NXPH1: variants seen among roughly 807,000 people sequenced by gnomAD.
NXPH1 encodes the protein neurexophilin-1.
Under a neutral mutation model 23.7 loss-of-function variants are expected in NXPH1, and 5 were observed. The observed-to-expected ratio is 0.21, with a 90% CI of 0.11 to 0.44. The LOEUF is 0.44. NXPH1 is among the 20% of genes least tolerant of loss of function. NXPH1 has a pLI of 0.99. For missense variants in NXPH1, 324 were observed against 321.6 expected, an observed-to-expected ratio of 1.01 and a Z score of -0.06; for synonymous variants, 144 against 122.2, an observed-to-expected ratio of 1.18 and a Z score of -1.18.
At chr7:8,627,144 C>G (rs1468675171) in intron 2 of NXPH1, among the ~76,000 whole-genome samples, 2 of 151,984 alleles carry the variant, frequency 1.3e-5, no homozygotes, top group African/African-American at 2.4e-5. Flanking sequence ...GTGAATTGGC[C>G]TACTTGGAAG....
chr7:8,571,193 A>G (rs1270625192), intron 2 of NXPH1, among the ~76,000 whole-genome samples: 1 of 151,884 alleles, frequency 6.6e-6, no homozygotes. Context: ...TTTGAAAAAC[A>G]CTGGCTTGAC....
At chr7:8,469,602 T>A (rs1816838243) in intron 2 of NXPH1, among the ~76,000 whole-genome samples, 1 of 152,112 alleles carries the variant, frequency 6.6e-6, no homozygotes, top group Admixed American at 6.6e-5. Context: ...AGTCAGATAA[T>A]CAGATAACTT....
chr7:8,674,429 A>G (rs903191266), intron 2 of NXPH1, among the ~76,000 whole-genome samples: 1 of 152,264 alleles, frequency 6.6e-6, no homozygotes, highest in African/African-American at 2.4e-5. Context: ...GACCTCTGCT[A>G]TATTTTATGT....
chr7:8,509,990 T>C (rs1234835168), intron 2 of NXPH1, among the ~76,000 whole-genome samples: 1 of 152,138 alleles, frequency 6.6e-6, no homozygotes, highest in African/African-American at 2.4e-5. Flanking sequence ...CAGTGAAAGA[T>C]TCTATTTAGA....
At chr7:8,692,011 G>A (rs117578810) in intron 2 of NXPH1, among the ~76,000 whole-genome samples, 1,800 of 152,100 alleles carry the variant, frequency 0.012, 15 homozygotes, top group Non-Finnish European at 0.018. Context: ...TTTCTAGTCT[G>A]TAGGAATCTC....
At chr7:8,491,575 A>G (rs1817248542) in intron 2 of NXPH1, among the ~76,000 whole-genome samples, 1 of 152,028 alleles carries the variant, frequency 6.6e-6, no homozygotes, top group African/African-American at 2.4e-5. Flanking sequence ...TAAAAACACA[A>G]ATATTCAGTT....
rs991219112 is a variant in NXPH1 at position 8,679,673 on chromosome 7, G to A, written c.55-71335G>A. On this transcript the variant is annotated intron_variant, in intron 2 of 2. Coordinates refer to ENST00000405863, the MANE Select transcript of NXPH1 (RefSeq NM_152745.3). ...TCAAATGTGTCTGAATTGGGTGAAG[G>A]CTTGTTTCATGGTGGCCTTAATCAC... Among the ~76,000 whole-genome samples the A allele has an allele frequency of 2.0e-5, 3 of 152,174 alleles. No homozygotes were observed. In the East Asian group the frequency reaches 5.8e-4, roughly 29 times the overall value.
intron 2 of NXPH1, among the ~76,000 whole-genome samples, chr7:8,726,450 G>C: frequency 6.7e-6 from 1 of 149,546 alleles, no homozygotes; most frequent in African/African-American, 2.5e-5. Flanking sequence ...TCGTCATCTA[G>C]CATTAGGTAT....
At chr7:8,713,216 A>G (rs887565688) in intron 2 of NXPH1, among the ~76,000 whole-genome samples, 1 of 152,136 alleles carries the variant, frequency 6.6e-6, no homozygotes, top group Non-Finnish European at 1.5e-5. Flanking sequence ...TGTTTGATCA[A>G]TTCTGCTATT....
chr7:8,621,098 CATGTT>C (rs1156849145), intron 2 of NXPH1, among the ~76,000 whole-genome samples: 2 of 152,128 alleles, frequency 1.3e-5, no homozygotes, highest in African/African-American at 2.4e-5. Flanking sequence ...GTAGAAAAAA[CATGTT>C]ATAATGGAAA....
At chr7:8,551,328 T>C in intron 2 of NXPH1, among the ~76,000 whole-genome samples, 1 of 151,564 alleles carries the variant, frequency 6.6e-6, no homozygotes, top group Non-Finnish European at 1.5e-5. Flanking sequence ...ATCAAAATGA[T>C]GAATTCTGAG....
At chr7:8,750,022 C>G (rs1461312242) in intron 2 of NXPH1, among the ~76,000 whole-genome samples, 2 of 152,212 alleles carry the variant, frequency 1.3e-5, no homozygotes, top group South Asian at 4.1e-4. Flanking sequence ...CTCTCACAAT[C>G]CACCCTGAAG....
chr7:8,612,168 A>C (rs1487464608), intron 2 of NXPH1, among the ~76,000 whole-genome samples: 1 of 137,740 alleles, frequency 7.3e-6, no homozygotes, highest in South Asian at 2.3e-4. Flanking sequence ...TCTTTCTGTC[A>C]TTTCTCCCTC....
intron 2 of NXPH1, among the ~76,000 whole-genome samples, chr7:8,739,396 G>T (rs1450967146): frequency 6.6e-6 from 1 of 152,020 alleles, no homozygotes; most frequent in African/African-American, 2.4e-5. Context: ...TTTGGCTAGA[G>T]GAGGGAGTTC....
At chr7:8,456,835 A>C (rs1009002268) in intron 2 of NXPH1, among the ~76,000 whole-genome samples, 3 of 152,136 alleles carry the variant, frequency 2.0e-5, no homozygotes, top group African/African-American at 7.2e-5. Context: ...AGCTTGGTGA[A>C]AGAGACATTT....
At chr7:8,593,683 G>A (rs1028600277) in intron 2 of NXPH1, among the ~76,000 whole-genome samples, 1 of 151,984 alleles carries the variant, frequency 6.6e-6, no homozygotes, top group Non-Finnish European at 1.5e-5. Context: ...TTGATGTCTT[G>A]CTGTCTCTGG....
chr7:8,627,641 C>A (rs1017063306), intron 2 of NXPH1, among the ~76,000 whole-genome samples: 1 of 152,068 alleles, frequency 6.6e-6, no homozygotes, highest in Non-Finnish European at 1.5e-5. Context: ...ACCTACCATA[C>A]CGTGGCAATG....
intron 2 of NXPH1, among the ~76,000 whole-genome samples, chr7:8,739,196 A>AC (rs1780318627): frequency 5.3e-5 from 7 of 132,846 alleles, no homozygotes; most frequent in Non-Finnish European, 6.6e-5. Context: ...AAAAAAAAAA[A>AC]AAAAAAAACC....
rs535542466 is a variant in NXPH1, at chr7:8,732,164, C to G, written c.55-18844C>G. ...AAAGGGAACTCCCTGACCCCTTGCG[C>G]TTCCTGAGTGAGGCAATGCCTCGCC... On this transcript the variant is annotated intron_variant, in intron 2 of 2. Coordinates refer to ENST00000405863, the MANE Select transcript of NXPH1 (RefSeq NM_152745.3). Among the ~76,000 whole-genome samples the G allele has an allele frequency of 7.7e-3, 1,174 of 152,376 alleles. 3 individuals carry two copies. Among genetic ancestry groups the G allele is most frequent in the Non-Finnish European group, 0.011 (728 of 68,038 alleles).
Sources: gnomAD v4.1 joint callset for allele counts (sites outside exome capture counted in the v4.1 genomes callset) on GRCh38, gnomAD v4.1.1 for gene constraint, MANE v1.5 for transcripts, NCBI Gene and HGNC (gene_info 2026-07-23, HGNC 2026-07-21) for gene names.